The following FAM114A2 variants were observed in gnomAD, a reference collection of about 807,000 sequenced individuals.
FAM114A2 encodes family with sequence similarity 114 member A2.
Under a neutral mutation model 58.4 loss-of-function variants are expected in FAM114A2, and 53 were observed. That is an observed-to-expected ratio of 0.91 (90% CI 0.73 to 1.14). The LOEUF (loss-of-function observed/expected upper bound fraction) is 1.14, where lower values mean the gene tolerates loss of function less well. FAM114A2 is among the 50% of genes most tolerant of loss of function. FAM114A2 has a pLI of 0.00. For synonymous variants in FAM114A2, 228 were observed against 211.4 expected (o/e 1.08, Z -0.68); for missense variants, 601 against 581.1 (o/e 1.03, Z -0.35).
chr5:154,014,833 G>C (rs929079654), intron 8 of FAM114A2, among the ~76,000 whole-genome samples: 10 of 152,174 alleles, frequency 6.6e-5, no homozygotes, highest in African/African-American at 2.4e-4. Flanking sequence ...TGAATCCAGT[G>C]TGTGGACTCC....
Position 154,026,409 on chromosome 5 carries a change from T to G in FAM114A2, c.903A>C (p.Glu301Asp). 6.4e-7 allele frequency: 1 copy of G among 1,571,030 alleles called. No homozygotes were observed. The highest frequency in any genetic ancestry group is 8.6e-7 in the Non-Finnish European group (1 of 1,162,934). ...AAATTTTCATATTACCTTTTTTCTC[T>G]TCTTCCTCTTCTTCACAAAATTCTG... is the stretch of plus-strand genomic sequence containing the variant. ...SLAEFCEEEE[E>D]EKKGDEDFTK... is the part of the protein sequence containing the mutation. The change falls in exon 8 of 14, where the codon GAA becomes GAC. Residue 301 changes from glutamate (E) to aspartate (D), a missense_variant. By Grantham distance (45) the Glu-to-Asp change is conservative. Coordinates refer to ENST00000351797, the MANE Select transcript of FAM114A2 (RefSeq NM_018691.4).
rs138181419 is a variant in FAM114A2, at chr5:153,996,613, AAAC to A, written c.1329+1187_1329+1189del. Among the ~76,000 whole-genome samples the A allele has an allele frequency of 6.1e-3, 923 of 152,246 alleles. 39 individuals are homozygous for A. The East Asian group carries it at 0.1, about 17-fold the overall frequency. ...CTCCTACAAGTAATAATAAAAACAC[AAAC>A]AACCCAAGTTTTAAAACAAGTAAAC... On this transcript the variant is annotated intron_variant, in intron 12 of 13. Coordinates refer to ENST00000351797, the MANE Select transcript of FAM114A2 (RefSeq NM_018691.4).
At chr5:154,007,096 G>A (rs1770403236) in intron 9 of FAM114A2, among the ~76,000 whole-genome samples, 1 of 152,088 alleles carries the variant, frequency 6.6e-6, no homozygotes, top group Non-Finnish European at 1.5e-5. Flanking sequence ...CGCCTGGCCA[G>A]GAGATATTTT....
At chr5:154,015,001 T>C (rs541220176) in intron 8 of FAM114A2, among the ~76,000 whole-genome samples, 1 of 152,232 alleles carries the variant, frequency 6.6e-6, no homozygotes, top group East Asian at 1.9e-4. Context: ...TTGGGTTGCA[T>C]GGAAAAGCCT....
intron 1 of FAM114A2, chr5:154,037,051 TCTGTAG>T (rs1772610452): frequency 6.6e-6 from 1 of 152,192 alleles, no homozygotes. Flanking sequence ...CTGATTAACC[TCTGTAG>T]GCATCTGAGT....
chr5:154,005,263 A>G (rs2113264945), intron 9 of FAM114A2, among the ~76,000 whole-genome samples: 1 of 152,252 alleles, frequency 6.6e-6, no homozygotes, highest in Non-Finnish European at 1.5e-5. Context: ...TCCTTAGTTC[A>G]TGTGACCTGG....
chr5:154,032,325 C>T (rs898360862), intron 4 of FAM114A2, among the ~76,000 whole-genome samples: 3 of 152,178 alleles, frequency 2.0e-5, no homozygotes, highest in Admixed American at 2.0e-4. Flanking sequence ...AGACCTGTCT[C>T]AGACACTTTT....
chr5:154,038,049 A>AG (rs1194505159), intron 1 of FAM114A2, among the ~76,000 whole-genome samples: 1 of 151,752 alleles, frequency 6.6e-6, no homozygotes, highest in Non-Finnish European at 1.5e-5. Context: ...AAAAAAAAAA[A>AG]GGAATAAACA....
At chr5:154,018,103 A>G (rs1771161759) in intron 8 of FAM114A2, among the ~76,000 whole-genome samples, 1 of 152,212 alleles carries the variant, frequency 6.6e-6, no homozygotes, top group Non-Finnish European at 1.5e-5. Flanking sequence ...AAACAAAAAT[A>G]CAAAAGACAA....
At chr5:154,002,485 A>C in intron 10 of FAM114A2, 95 bp from the exon 11 acceptor site, 2 of 1,306,210 alleles carry the variant, frequency 1.5e-6, no homozygotes, top group South Asian at 1.3e-5. Context: ...TGTAGCAGAG[A>C]CTAATAGTTG....
intron 8 of FAM114A2, among the ~76,000 whole-genome samples, chr5:154,020,484 A>T (rs898825560): frequency 1.2e-4 from 18 of 152,208 alleles, no homozygotes; most frequent in African/African-American, 3.6e-4. Flanking sequence ...ATCCCACAGA[A>T]ATACAAACTA....
chr5:154,034,282 T>C lies in FAM114A2; in HGVS notation c.306A>G (p.Thr102=). 1.3e-6 allele frequency: 2 copies of C among 1,566,522 alleles called. No individual in the cohort carries two copies. Among genetic ancestry groups the C allele is most frequent in the Non-Finnish European group, 8.7e-7 (1 of 1,150,818 alleles). The change falls in exon 3 of 14, where the codon ACA becomes ACG. Residue 102 remains threonine (T), a synonymous_variant. Coordinates refer to ENST00000351797, the MANE Select transcript of FAM114A2 (RefSeq NM_018691.4). ...CTAAATGACTGATGATCTTACCTAC[T>C]GTAGCTACTGTAGCCGAGGCTGAGG... The part of the protein sequence containing the change: ...ILSSASATVA[T]VGQGISNVIE...
intron 11 of FAM114A2, 33 bp downstream of exon 11, chr5:154,002,218 T>C: frequency 6.3e-7 from 1 of 1,596,476 alleles, no homozygotes. Context: ...TCCTGCAATT[T>C]GCATCATTTA....
At chr5:154,013,570 G>A (rs1426548369) in intron 8 of FAM114A2, among the ~76,000 whole-genome samples, 6 of 152,140 alleles carry the variant, frequency 3.9e-5, no homozygotes, top group Non-Finnish European at 7.4e-5. Context: ...AAATATCATA[G>A]ACACAAATCC....
At chr5:154,010,574 T>C (rs943666639) in intron 9 of FAM114A2, among the ~76,000 whole-genome samples, 2 of 152,114 alleles carry the variant, frequency 1.3e-5, no homozygotes, top group African/African-American at 2.4e-5. Context: ...GGTCCTGAAA[T>C]GCTTCTCAAG....
chr5:154,012,838 G>A (rs1313267366), intron 8 of FAM114A2, among the ~76,000 whole-genome samples: 1 of 151,970 alleles, frequency 6.6e-6, no homozygotes, highest in Admixed American at 6.6e-5. Flanking sequence ...ACCCATAGTG[G>A]GATGCATATA....
chr5:154,008,086 T>C (rs1230140113), intron 9 of FAM114A2, among the ~76,000 whole-genome samples: 6 of 152,152 alleles, frequency 3.9e-5, no homozygotes, highest in Non-Finnish European at 7.4e-5. Flanking sequence ...TAAAAATACC[T>C]ATGCACAAGG....
chr5:153,998,021 C>A, intron 11 of FAM114A2, 146 bp from the exon 12 acceptor site: 1 of 501,452 alleles, frequency 2.0e-6, no homozygotes, highest in Non-Finnish European at 3.6e-6. Flanking sequence ...CAGTATCCCC[C>A]CCTTATCTGT....
chr5:154,006,609 T>G (rs1426634858), intron 9 of FAM114A2, among the ~76,000 whole-genome samples: 1 of 152,054 alleles, frequency 6.6e-6, no homozygotes, highest in Non-Finnish European at 1.5e-5. Flanking sequence ...GAGATGAGGC[T>G]GGAAAGAATC....
Sources: allele counts gnomAD v4.1 joint callset (sites outside exome capture counted in the v4.1 genomes callset), GRCh38; gene constraint gnomAD v4.1.1; transcripts MANE v1.5; gene names NCBI Gene and HGNC (gene_info 2026-07-23, HGNC 2026-07-21).